The following PECR variants were observed in gnomAD, a reference collection of about 807,000 sequenced individuals.
PECR encodes 2,4-dienoyl-CoA reductase-related protein.
In PECR, 30 loss-of-function variants were observed where a neutral mutation model predicts 35.3. That is an observed-to-expected ratio of 0.85 (90% CI 0.64 to 1.15). The LOEUF (loss-of-function observed/expected upper bound fraction) is 1.15, where lower values mean the gene tolerates loss of function less well. Among genes scored for constraint, PECR ranks in the 50% most tolerant of loss-of-function variants. The pLI, the probability that PECR is intolerant of heterozygous loss-of-function variation, is 0.00. For synonymous variants in PECR, 148 were observed against 138.9 expected (o/e 1.07, Z -0.46); for missense variants, 392 against 370.8 (o/e 1.06, Z -0.47).
At chr2:216,078,017 C>T (rs1191943791) in intron 1 of PECR, among the ~76,000 whole-genome samples, 1 of 141,220 alleles carries the variant, frequency 7.1e-6, no homozygotes, top group Non-Finnish European at 1.5e-5. Flanking sequence ...CTGTATTTTT[C>T]GTTAAAAAAA....
intron 6 of PECR, among the ~76,000 whole-genome samples, chr2:216,047,141 C>T (rs1695011651): frequency 6.6e-6 from 1 of 152,036 alleles, no homozygotes; most frequent in Non-Finnish European, 1.5e-5. Context: ...GCCTGTAATC[C>T]CAGCTACTCT....
chr2:216,051,603 C>A, intron 4 of PECR, 58 bp from the exon 5 acceptor site: 1 of 1,087,206 alleles, frequency 9.2e-7, no homozygotes, highest in South Asian at 1.2e-5. Flanking sequence ...TTCTCTTGTT[C>A]ATCAAGCTCA....
intron 1 of PECR, among the ~76,000 whole-genome samples, chr2:216,068,804 ATTTTTTT>A (rs36012588): frequency 3.9e-5 from 3 of 76,088 alleles, no homozygotes; most frequent in African/African-American, 1.5e-4. Context: ...TATCTGGCCA[ATTTTTTT>A]TTTTTTTTTT....
intron 7 of PECR, among the ~76,000 whole-genome samples, chr2:216,043,037 GTGTATATATATATACACATACGTATA>G (rs1694921986): frequency 3.1e-5 from 1 of 32,160 alleles, no homozygotes; most frequent in East Asian, 2.1e-3. Context: ...ATATATGTAT[GTGTATATATATATACACATACGTATA>G]TATGTATGTA....
chr2:216,044,673 G>A (rs969545312), intron 6 of PECR, among the ~76,000 whole-genome samples: 2 of 152,088 alleles, frequency 1.3e-5, no homozygotes, highest in African/African-American at 4.8e-5. Flanking sequence ...TCCAGCTTGG[G>A]TGGCAGAGTG....
chr2:216,067,929 T>G (rs1425516466), intron 1 of PECR, among the ~76,000 whole-genome samples: 2 of 151,828 alleles, frequency 1.3e-5, no homozygotes, highest in East Asian at 3.9e-4. Flanking sequence ...GAAAAGTCAA[T>G]TAATAAAAAC....
chr2:216,048,843 C>CAAAAAAAAAAAAAAAAAAAAAAAAAAA (rs59623283), intron 6 of PECR, among the ~76,000 whole-genome samples: 1 of 74,090 alleles, frequency 1.3e-5, no homozygotes, highest in African/African-American at 5.0e-5. Flanking sequence ...CTGTCTCAAG[C>CAAAAAAAAAAAAAAAAAAAAAAAAAAA]AAAAAAAAAA....
At chr2:216,070,187 TGACA>T (rs1695560109) in intron 1 of PECR, among the ~76,000 whole-genome samples, 1 of 152,094 alleles carries the variant, frequency 6.6e-6, no homozygotes, top group South Asian at 2.1e-4. Context: ...TATTTTTAAC[TGACA>T]AATAACTATA....
At chr2:216,050,409 C>T (rs1320754194) in intron 5 of PECR, among the ~76,000 whole-genome samples, 1 of 152,082 alleles carries the variant, frequency 6.6e-6, no homozygotes, top group Non-Finnish European at 1.5e-5. Context: ...TAATATGTTG[C>T]CTTTTATTTA....
downstream of PECR, among the ~76,000 whole-genome samples, chr2:216,034,593 C>T (rs565246467): frequency 6.6e-6 from 1 of 152,250 alleles, no homozygotes; most frequent in African/African-American, 2.4e-5. Flanking sequence ...TCAGGAGTGG[C>T]CCCGTGATGG....
chr2:216,065,382 G>A lies in PECR; in HGVS notation c.354C>T (p.His118=). The change falls in exon 3 of 8, where the codon CAC becomes CAT. Residue 118 remains histidine (H), a synonymous_variant. Transcript: ENST00000265322. Reference sequence around the variant, plus strand: ...CAGCGTGCCATCCCTTAGAACTGATGTGTTCAGCAGGGGAAAGAAACTGGC... The same window carrying A: ...CAGCGTGCCATCCCTTAGAACTGATATGTTCAGCAGGGGAAAGAAACTGGC... ...GGGQFLSPAE[H]ISSKGWHAVL... 6.2e-7 allele frequency: 1 copy of A among 1,607,666 alleles called. No homozygotes were observed. Among genetic ancestry groups the A allele is most frequent in the Non-Finnish European group, 8.5e-7 (1 of 1,174,028 alleles).
At chr2:216,033,616 T>G (rs531778531), downstream of PECR, 1 of 152,420 alleles carries the variant, frequency 6.6e-6, no homozygotes, top group African/African-American at 2.4e-5. Flanking sequence ...TATTTCCTAT[T>G]GCGGAACTGA....
intron 4 of PECR, among the ~76,000 whole-genome samples, chr2:216,056,996 A>G (rs746116743): frequency 2.0e-4 from 31 of 152,120 alleles, no homozygotes; most frequent in Non-Finnish European, 3.4e-4. Context: ...AGCCAACCGA[A>G]TATCAGAAAA....
chr2:216,029,388 G>A (rs1694645646), intron 7 of PECR, among the ~76,000 whole-genome samples: 1 of 152,158 alleles, frequency 6.6e-6, no homozygotes, highest in Non-Finnish European at 1.5e-5. Context: ...TGAGGCAGGC[G>A]AATTGCTTGA....
chr2:216,067,788 CCTGT>C (rs756287651), intron 1 of PECR, among the ~76,000 whole-genome samples: 6 of 151,822 alleles, frequency 4.0e-5, no homozygotes, highest in East Asian at 1.9e-4. Flanking sequence ...ATCTCTTGCG[CCTGT>C]CTAAGAATAT....
intron 2 of PECR, among the ~76,000 whole-genome samples, chr2:216,065,953 G>A (rs774586610): frequency 6.6e-5 from 10 of 152,146 alleles, no homozygotes; most frequent in Non-Finnish European, 1.2e-4. Context: ...GGTGAAACCC[G>A]TCTTTATGAA....
intron 7 of PECR, among the ~76,000 whole-genome samples, chr2:216,031,012 C>T (rs949388329): frequency 1.3e-5 from 2 of 151,910 alleles, no homozygotes; most frequent in African/African-American, 4.8e-5. Context: ...CCTGCTCTCT[C>T]TCTCTCATTT....
chr2:216,044,170 A>C (rs1442167671), intron 6 of PECR, among the ~76,000 whole-genome samples, 155 bp from the exon 7 acceptor site: 4 of 152,246 alleles, frequency 2.6e-5, no homozygotes, highest in African/African-American at 9.6e-5. Flanking sequence ...TACATAGACA[A>C]CTTCCTTTTC....
chr2:216,066,054 G>A (rs1383252201), intron 2 of PECR, among the ~76,000 whole-genome samples: 1 of 152,196 alleles, frequency 6.6e-6, no homozygotes. Context: ...AACCTGGGAG[G>A]TGTAGGTTGC....
Sources: allele counts gnomAD v4.1 joint callset (sites outside exome capture counted in the v4.1 genomes callset), GRCh38; gene constraint gnomAD v4.1.1; transcripts MANE v1.5; gene names NCBI Gene and HGNC (gene_info 2026-07-23, HGNC 2026-07-21).